The following MDGA2 variants were observed in gnomAD, a reference collection of about 807,000 sequenced individuals.
The protein encoded by MDGA2 is MAM domain containing glycosylphosphatidylinositol anchor 2.
Under a neutral mutation model 117.8 loss-of-function variants are expected in MDGA2, and 40 were observed. The observed-to-expected ratio is 0.34, with a 90% CI of 0.26 to 0.44. The LOEUF is 0.44. MDGA2 is among the 20% of genes least tolerant of loss of function. MDGA2 has a pLI of 1.00. For synonymous variants in MDGA2, 452 were observed against 439.0 expected (o/e 1.03, Z -0.37); for missense variants, 1,123 against 1,250.6 (o/e 0.90, Z 1.54).
chr14:47,630,190 T>C (rs1897230326), intron 1 of MDGA2, among the ~76,000 whole-genome samples: 1 of 151,986 alleles, frequency 6.6e-6, no homozygotes, highest in Non-Finnish European at 1.5e-5. Flanking sequence ...GTTGTACTTA[T>C]AAAATGAACA....
chr14:47,023,198 T>TAAAA (rs71985853), intron 8 of MDGA2, among the ~76,000 whole-genome samples: 70 of 102,850 alleles, frequency 6.8e-4, no homozygotes, highest in African/African-American at 2.5e-3. Context: ...TTCCCACTCG[T>TAAAA]AAAAAAAAAA....
chr14:46,955,586 C>T (rs527986809), intron 9 of MDGA2, among the ~76,000 whole-genome samples: 2 of 152,064 alleles, frequency 1.3e-5, no homozygotes, highest in South Asian at 4.1e-4. Flanking sequence ...GTGAACACAA[C>T]GGTATTCTCT....
At chr14:47,309,704 G>T (rs1386484914) in intron 1 of MDGA2, among the ~76,000 whole-genome samples, 1 of 151,850 alleles carries the variant, frequency 6.6e-6, no homozygotes, top group Non-Finnish European at 1.5e-5. Flanking sequence ...AGAATTTAAA[G>T]AAAAAACTTT....
chr14:47,661,722 C>CA (rs1189399990), intron 1 of MDGA2, among the ~76,000 whole-genome samples: 14 of 137,294 alleles, frequency 1.0e-4, no homozygotes, highest in Admixed American at 7.4e-5. Context: ...TTGTCAACTG[C>CA]AAAAAACGAA....
At chr14:47,442,198 G>C (rs1327534629) in intron 1 of MDGA2, among the ~76,000 whole-genome samples, 2 of 152,042 alleles carry the variant, frequency 1.3e-5, no homozygotes, top group African/African-American at 4.8e-5. Context: ...GGTCGGTTAA[G>C]GTATGTATAC....
intron 1 of MDGA2, among the ~76,000 whole-genome samples, chr14:47,343,948 A>T (rs1890705822): frequency 6.6e-6 from 1 of 152,160 alleles, no homozygotes; most frequent in South Asian, 2.1e-4. Context: ...TTTAAGGCTC[A>T]CTGATTTATC....
At chr14:47,388,190 T>C (rs1050701253) in intron 1 of MDGA2, among the ~76,000 whole-genome samples, 1 of 152,210 alleles carries the variant, frequency 6.6e-6, no homozygotes, top group Non-Finnish European at 1.5e-5. Context: ...AGAATGCTTG[T>C]TGAAATTATC....
chr14:47,548,083 A>G (rs1895498604), intron 1 of MDGA2, among the ~76,000 whole-genome samples: 1 of 152,154 alleles, frequency 6.6e-6, no homozygotes, highest in Admixed American at 6.5e-5. Flanking sequence ...AAAGTTACAA[A>G]CTAAAATATA....
chr14:47,146,597 TA>T (rs1171754905), intron 3 of MDGA2, among the ~76,000 whole-genome samples: 1 of 152,232 alleles, frequency 6.6e-6, no homozygotes, highest in African/African-American at 2.4e-5. Context: ...AGTGACTTGA[TA>T]AAAGATACTC....
At chr14:47,170,332 G>C (rs572677529) in intron 3 of MDGA2, among the ~76,000 whole-genome samples, 1 of 152,072 alleles carries the variant, frequency 6.6e-6, no homozygotes, top group Non-Finnish European at 1.5e-5. Flanking sequence ...CTGATAATGA[G>C]GAAATAAATC....
chr14:47,253,648 T>A (rs1165609361), intron 2 of MDGA2, among the ~76,000 whole-genome samples: 1 of 152,130 alleles, frequency 6.6e-6, no homozygotes, highest in Non-Finnish European at 1.5e-5. Context: ...TGGCTGTGGC[T>A]TTTCCAGAAG....
intron 5 of MDGA2, among the ~76,000 whole-genome samples, chr14:47,126,000 A>G (rs1300893533): frequency 2.0e-5 from 3 of 152,058 alleles, no homozygotes; most frequent in Non-Finnish European, 4.4e-5. Context: ...TTGGTAACAC[A>G]CATAATATAA....
chr14:47,589,632 T>G (rs1414646056), intron 1 of MDGA2, among the ~76,000 whole-genome samples: 2 of 151,982 alleles, frequency 1.3e-5, no homozygotes, highest in African/African-American at 4.8e-5. Flanking sequence ...TTTGCAACAC[T>G]GTTTTAGGTA....
chr14:47,515,260 T>C (rs1295041664), intron 1 of MDGA2, among the ~76,000 whole-genome samples: 1 of 152,140 alleles, frequency 6.6e-6, no homozygotes, highest in African/African-American at 2.4e-5. Flanking sequence ...AATGAATATT[T>C]AAGATGCTTC....
chr14:47,157,934 T>C (rs1347437951), intron 3 of MDGA2, among the ~76,000 whole-genome samples: 2 of 152,006 alleles, frequency 1.3e-5, no homozygotes, highest in African/African-American at 4.8e-5. Flanking sequence ...GTCAATTAAA[T>C]GTCTTTTTTT....
intron 1 of MDGA2, among the ~76,000 whole-genome samples, chr14:47,429,162 T>G (rs1478868743): frequency 2.0e-5 from 3 of 149,992 alleles, no homozygotes; most frequent in African/African-American, 7.4e-5. Flanking sequence ...GGGGCAGAGG[T>G]TGCAATGAGC....
At chr14:47,155,885 C>CTTTTTTTTTT (rs1883353082) in intron 3 of MDGA2, among the ~76,000 whole-genome samples, 2 of 80,446 alleles carry the variant, frequency 2.5e-5, no homozygotes, top group African/African-American at 8.7e-5. Flanking sequence ...TCTTCTTCTT[C>CTTTTTTTTTT]TTCTTTTTTT....
Position 47,660,082 on chromosome 14 carries a change from T to A in MDGA2, c.280+14435A>T, listed in dbSNP as rs1307836830. Among the ~76,000 whole-genome samples, 3 of 152,040 alleles carry A rather than the reference T, an allele frequency of 2.0e-5. No individual in the cohort carries two copies. The East Asian group carries it at 5.8e-4, about 29-fold the overall frequency. On this transcript the variant is annotated intron_variant, in intron 1 of 16. Coordinates refer to ENST00000399232, the MANE Select transcript of MDGA2 (RefSeq NM_001113498.3). ...GAAGAGATCTGGCTTTGAAATACAA[T>A]AACAACAGTTATACTACAGAATTAA...
chr14:47,352,882 T>A (rs1363721546), intron 1 of MDGA2, among the ~76,000 whole-genome samples: 1 of 152,182 alleles, frequency 6.6e-6, no homozygotes, highest in Non-Finnish European at 1.5e-5. Flanking sequence ...GGTTCTTTTC[T>A]TTTTGGCTTA....
Sources: gnomAD v4.1 joint callset for allele counts (sites outside exome capture counted in the v4.1 genomes callset) on GRCh38, gnomAD v4.1.1 for gene constraint, MANE v1.5 for transcripts, NCBI Gene and HGNC (gene_info 2026-07-23, HGNC 2026-07-21) for gene names.